Variants in CFAP161 observed in about 807,000 individuals in gnomAD.
The protein encoded by CFAP161 is cilia and flagella associated protein 161, also known as cilia- and flagella-associated protein 161.
Under a neutral mutation model 29.0 loss-of-function variants are expected in CFAP161, and 25 were observed. The observed-to-expected ratio is 0.86, with a 90% confidence interval of 0.63 to 1.20. CFAP161 has a LOEUF of 1.20. Ranked by LOEUF, CFAP161 falls within the 50% of genes most tolerant of loss-of-function variation. The probability of loss-of-function intolerance (pLI) is 0.00; values close to 1 mark genes in which losing one functional copy is unlikely to be tolerated. For synonymous variants in CFAP161, 116 were observed against 137.4 expected, an observed-to-expected ratio of 0.84 and a Z score of 1.09; for missense variants, 367 against 371.9, an observed-to-expected ratio of 0.99 and a Z score of 0.11.
chr15:81,100,685 C>T (rs998027827), intron 1 of CFAP161, among the ~76,000 whole-genome samples: 1 of 139,764 alleles, frequency 7.2e-6, no homozygotes, highest in Admixed American at 7.5e-5. Flanking sequence ...CCAGGTATTT[C>T]CTTTTCCTCT....
intron 5 of CFAP161, among the ~76,000 whole-genome samples, chr15:81,146,862 A>T (rs1423664241): frequency 9.6e-5 from 10 of 104,684 alleles, no homozygotes; most frequent in South Asian, 3.0e-4. Flanking sequence ...ATATATATAT[A>T]TATATATATA....
intron 5 of CFAP161, among the ~76,000 whole-genome samples, chr15:81,144,620 T>A (rs1266047467): frequency 6.6e-6 from 1 of 151,380 alleles, no homozygotes; most frequent in Non-Finnish European, 1.5e-5. Context: ...AATGAATAAA[T>A]GAATAAATAA....
chr15:81,121,147 A>G (rs540721143), intron 1 of CFAP161, among the ~76,000 whole-genome samples: 2 of 152,310 alleles, frequency 1.3e-5, no homozygotes, highest in South Asian at 4.1e-4. Context: ...ATTATTTTTG[A>G]TGAAACTTAC....
chr15:81,134,782 ATAT>A (rs1349627237), intron 1 of CFAP161, among the ~76,000 whole-genome samples: 1 of 152,082 alleles, frequency 6.6e-6, no homozygotes, highest in African/African-American at 2.4e-5. Context: ...GGTAGAAATA[ATAT>A]CCCTCCCCAC....
chr15:81,136,627 A>C lies in CFAP161; in HGVS notation c.271A>C (p.Ser91Arg), dbSNP rs1203642735. The change falls in exon 3 of 7, where the codon AGC becomes CGC. Residue 91 changes from serine to arginine, a missense_variant. Ser to Arg is a moderately radical substitution (Grantham distance 110). Coordinates refer to ENST00000286732, the MANE Select transcript of CFAP161 (RefSeq NM_173528.4). ...TGATGTGTTTCTGCGTGGGGACCTGAGCCTGTGTATGACTCCAGATGAAAT... is the reference window on the plus strand; with the variant it reads ...TGATGTGTTTCTGCGTGGGGACCTGCGCCTGTGTATGACTCCAGATGAAAT... ...EADVFLRGDL[S>R]LCMTPDEIQS... is the part of the protein sequence containing the mutation. 3.1e-6 allele frequency: 5 copies of C among 1,614,180 alleles called. No homozygotes were observed. The highest frequency in any genetic ancestry group is 1.6e-4 in the Middle Eastern group (1 of 6,062).
intron 1 of CFAP161, among the ~76,000 whole-genome samples, chr15:81,106,131 A>G (rs1022075631): frequency 1.3e-5 from 2 of 152,186 alleles, no homozygotes; most frequent in African/African-American, 4.8e-5. Flanking sequence ...GAGGGAGATG[A>G]CTTCTAAGAT....
rs1419795621 is a variant in CFAP161 at position 81,143,724 on chromosome 15, A to T, written c.540A>T (p.Glu180Asp). The change falls in exon 5 of 7, where the codon GAA becomes GAT. Residue 180 changes from glutamate to aspartate, a missense_variant. Coordinates refer to ENST00000286732, the MANE Select transcript of CFAP161 (RefSeq NM_173528.4). ...LKSSKRSWLQ[E>D]VYLTDEVSHV... ...CGTCTAAGAGGTCTTGGCTCCAGGA[A>T]GTGTACCTAACAGATGAGGTCTCCC... 2 of 1,613,972 alleles carry T rather than the reference A, an allele frequency of 1.2e-6. No homozygotes were observed. The highest frequency in any genetic ancestry group is 3.3e-5 in the Admixed American group (2 of 60,000).
At chr15:81,131,151 AAAAAG>A (rs1431654817), upstream of CFAP161, among the ~76,000 whole-genome samples, 2 of 151,868 alleles carry the variant, frequency 1.3e-5, no homozygotes, top group African/African-American at 2.4e-5. Context: ...AAAAAAAAAA[AAAAAG>A]AATCAATATC....
upstream of CFAP161, among the ~76,000 whole-genome samples, chr15:81,133,888 G>A (rs1051137118): frequency 8.2e-6 from 1 of 121,236 alleles, no homozygotes; most frequent in Non-Finnish European, 1.8e-5. Flanking sequence ...TATGATTAGG[G>A]CGAAATTGCT....
chr15:81,113,808 T>C (rs1056971342), intron 1 of CFAP161, among the ~76,000 whole-genome samples: 2 of 152,198 alleles, frequency 1.3e-5, no homozygotes, highest in African/African-American at 4.8e-5. Flanking sequence ...ACCTTTCTTC[T>C]TGGAGCTGGG....
At chr15:81,109,420 C>T (rs974335923) in intron 1 of CFAP161, among the ~76,000 whole-genome samples, 1 of 152,226 alleles carries the variant, frequency 6.6e-6, no homozygotes, top group Admixed American at 6.5e-5. Context: ...CTCTTGTCTG[C>T]AGCTGAGCTG....
chr15:81,118,877 A>G (rs542392657), intron 1 of CFAP161, among the ~76,000 whole-genome samples: 18 of 99,478 alleles, frequency 1.8e-4, no homozygotes, highest in South Asian at 1.0e-3. Flanking sequence ...ATACGTTACC[A>G]AATTATTATA....
chr15:81,144,795 A>AAG (rs1402831886), intron 5 of CFAP161, among the ~76,000 whole-genome samples: 1 of 151,416 alleles, frequency 6.6e-6, no homozygotes, highest in African/African-American at 2.4e-5. Context: ...AAAAAAAAAA[A>AAG]AAAAGAAAGA....
At chr15:81,143,322 A>G (rs1894946092) in intron 4 of CFAP161, among the ~76,000 whole-genome samples, 1 of 152,128 alleles carries the variant, frequency 6.6e-6, no homozygotes, top group African/African-American at 2.4e-5. Context: ...AAACAAAACA[A>G]AACAAAACAA....
chr15:81,110,058 A>G (rs1418505968), intron 1 of CFAP161, among the ~76,000 whole-genome samples: 2 of 152,040 alleles, frequency 1.3e-5, no homozygotes, highest in Non-Finnish European at 2.9e-5. Flanking sequence ...TTGCAAACTG[A>G]TGTCTTATCC....
intron 4 of CFAP161, among the ~76,000 whole-genome samples, chr15:81,142,335 T>C (rs1472175735): frequency 6.6e-6 from 1 of 152,140 alleles, no homozygotes; most frequent in Non-Finnish European, 1.5e-5. Flanking sequence ...GGTTGATCTT[T>C]TACAAGCACA....
chr15:81,116,380 G>A (rs879713229), intron 1 of CFAP161, among the ~76,000 whole-genome samples: 11 of 152,194 alleles, frequency 7.2e-5, no homozygotes, highest in African/African-American at 1.4e-4. Context: ...TGCAGCCTCC[G>A]CCTCCTGGGT....
At chr15:81,121,013 G>A (rs559706865) in intron 1 of CFAP161, among the ~76,000 whole-genome samples, 2 of 152,292 alleles carry the variant, frequency 1.3e-5, no homozygotes, top group Middle Eastern at 6.8e-3. Flanking sequence ...TTTACATGGA[G>A]AACCACATTT....
chr15:81,126,640 T>A, intron 1 of CFAP161, among the ~76,000 whole-genome samples: 1 of 152,234 alleles, frequency 6.6e-6, no homozygotes, highest in East Asian at 1.9e-4. Flanking sequence ...TTTTGACCTG[T>A]TTGATCTGAG....
Sources: allele counts gnomAD v4.1 joint callset (sites outside exome capture counted in the v4.1 genomes callset), GRCh38; gene constraint gnomAD v4.1.1; transcripts MANE v1.5; gene names NCBI Gene and HGNC (gene_info 2026-07-23, HGNC 2026-07-21).